Variants in MATN1 observed in about 807,000 individuals in gnomAD.
The protein encoded by MATN1 is matrilin-1.
MATN1 carries 34 observed loss-of-function variants against 41.3 expected under a neutral mutation model. That is an observed-to-expected ratio of 0.82 (90% CI 0.63 to 1.10). The LOEUF (loss-of-function observed/expected upper bound fraction) is 1.10. Ranked by LOEUF, MATN1 falls within the 50% of genes least tolerant of loss-of-function variation. The pLI is 0.00. For missense variants in MATN1, 602 were observed against 662.4 expected (o/e 0.91, Z 1.00); for synonymous variants, 264 against 278.7 (o/e 0.95, Z 0.53).
intron 1 of MATN1, 151 bp from the exon 2 acceptor site, chr1:30,721,902 C>T (rs1259865785): frequency 1.6e-6 from 1 of 631,352 alleles, no homozygotes; most frequent in African/African-American, 1.8e-5. Context: ...GCCCTTTTAT[C>T]AACATGCAGA....
At position 30,716,128 on chromosome 1, in the gene MATN1, C is replaced by A. The variant is rs1639615742; in HGVS notation, c.988G>T (p.Gly330Cys). ...ATGTCCTTCTTGGTGTGGAAGCGAC[C>A]CAGGGGGAACTCCTGGCGCACAGAG... ...SSSVRQEFPL[G>C]RFHTKKDIKA... The change falls in exon 5 of 8, where the codon GGT (glycine) becomes TGT (cysteine). Residue 330 changes from glycine (G) to cysteine (C), a missense_variant. Physicochemically the swap from Gly to Cys is radical, Grantham distance 159. Coordinates refer to ENST00000373765, the MANE Select transcript of MATN1 (RefSeq NM_002379.3). The A allele has an allele frequency of 6.2e-7, 1 of 1,614,186 alleles. No individual in the cohort carries two copies.
In MATN1 at chr1:30,718,898, C is replaced by T. The variant is rs763447324; in HGVS notation, c.501G>A (p.Arg167=). ...PQDSVQDVSA[R]ARASGVELFA... ...ACAGCTCGACGCCGCTGGCCCGGGCCCGCGCAGACACGTCCTGCACGCTGT... is the reference window on the plus strand; with the variant it reads ...ACAGCTCGACGCCGCTGGCCCGGGCTCGCGCAGACACGTCCTGCACGCTGT... The change falls in exon 3 of 8, where the codon CGG becomes CGA. Residue 167 remains arginine, a synonymous_variant. Transcript: ENST00000373765. 37 of 1,583,760 alleles carry T rather than the reference C, an allele frequency of 2.3e-5. No homozygotes were observed. Among genetic ancestry groups the T allele is most frequent in the Non-Finnish European group, 3.1e-5 (36 of 1,169,890 alleles).
chr1:30,722,150 C>T (rs114203986), intron 1 of MATN1, among the ~76,000 whole-genome samples: 70 of 152,360 alleles, frequency 4.6e-4, no homozygotes, highest in African/African-American at 1.6e-3. Context: ...TAGGTTTCAG[C>T]CCAGACTTGC....
At position 30,713,166 on chromosome 1, in the gene MATN1, A is replaced by G. The variant is rs1346588225; in HGVS notation, c.*416T>C. On this transcript the variant is annotated 3_prime_UTR_variant, in exon 8 of 8. Coordinates refer to ENST00000373765, the MANE Select transcript of MATN1 (RefSeq NM_002379.3). ...TAGCCCCATTCACTGCTTACGTTAA[A>G]TCACATTTAATTGTTTCTCACCGGA... is the stretch of plus-strand genomic sequence containing the variant. The G allele has an allele frequency of 4.9e-6, 1 of 203,572 alleles. No individual in the cohort carries two copies. Among genetic ancestry groups the G allele is most frequent in the African/African-American group, 2.3e-5 (1 of 44,322 alleles). 12.6% of individuals were successfully genotyped at this position (203,572 alleles called of 1,614,324 possible). A position where few individuals can be genotyped will look rare whatever the true frequency, so the allele number is the denominator to read the frequency against.
rs1257785911 is a variant in MATN1, at chr1:30,716,307, C to T, written c.809G>A (p.Gly270Asp). 5 of 1,613,332 alleles carry T rather than the reference C, an allele frequency of 3.1e-6. No individual in the cohort carries two copies. The East Asian group carries it at 8.9e-5, about 29-fold the overall frequency. ...GAAGACCAGGTCAGTGGCCGAGCTGCCACCACCACCACTGCAGACTGTGGA... is the reference window on the plus strand; with the variant it reads ...GAAGACCAGGTCAGTGGCCGAGCTGTCACCACCACCACTGCAGACTGTGGA... ...KTCNVCSGGG[G>D]SSATDLVFLI... The change falls in exon 5 of 8, where the codon GGC becomes GAC. Residue 270 changes from glycine to aspartate, a missense_variant. Coordinates refer to ENST00000373765, the MANE Select transcript of MATN1 (RefSeq NM_002379.3).
Position 30,711,658 on chromosome 1 carries a change from C to T in MATN1, c.*1924G>A, listed in dbSNP as rs1489557034. ...CCACCCCATCTCTGACTCCACTCAT[C>T]AGGGACATCTGTTGCTTCTGCCCGC... On this transcript the variant is annotated 3_prime_UTR_variant, in exon 8 of 8. Transcript: ENST00000373765. 6.6e-6 allele frequency: 1 copy of T among 152,430 alleles called. No homozygotes were observed. The highest frequency in any genetic ancestry group is 6.5e-5 in the Admixed American group (1 of 15,286). 9.4% of individuals were successfully genotyped at this position (152,430 alleles called of 1,614,324 possible). A position where few individuals can be genotyped will look rare whatever the true frequency, so the allele number is the denominator to read the frequency against.
chr1:30,716,154 C>T lies in MATN1; in HGVS notation c.962G>A (p.Ser321Asn), dbSNP rs1448671269. Residue 321 changes from serine to asparagine, a missense_variant, in exon 5 of 8, where the codon AGC becomes AAC. Transcript: ENST00000373765. ...CAGGGGGAACTCCTGGCGCACAGAG[C>T]TTGAGTACTGCACCAGCCCCACCTG... ...LAQVGLVQYSSSVRQEFPLGR... is the reference protein window; with the variant it reads ...LAQVGLVQYSNSVRQEFPLGR... 6.2e-7 allele frequency: 1 copy of T among 1,614,210 alleles called. No individual in the cohort carries two copies. Among genetic ancestry groups the T allele is most frequent in the East Asian group, 2.2e-5 (1 of 44,888 alleles).
At chr1:30,722,908 G>A (rs566496114) in intron 1 of MATN1, among the ~76,000 whole-genome samples, 14 of 152,326 alleles carry the variant, frequency 9.2e-5, no homozygotes, top group African/African-American at 2.9e-4. Flanking sequence ...TGGCCACACC[G>A]TACAGCAGTA....
rs1457928506 is a variant in MATN1, at chr1:30,718,845, T to A, written c.554A>T (p.Lys185Met). The A allele has an allele frequency of 1.2e-6, 2 of 1,608,502 alleles. No individual in the cohort carries two copies. The highest frequency in any genetic ancestry group is 2.2e-5 in the East Asian group (1 of 44,722). Residue 185 changes from lysine to methionine, a missense_variant, in exon 3 of 8, where the codon AAG (lysine) becomes ATG (methionine). Lys to Met is a moderately conservative substitution (Grantham distance 95). Transcript: ENST00000373765. ...LFAIGVGSVDKATLRQIASEP... is the reference protein window; with the variant it reads ...LFAIGVGSVDMATLRQIASEP... ...GCTGGCGATCTGCCGCAGCGTGGCC[T>A]TGTCCACGCTGCCCACTCCGATGGC...
chr1:30,720,761 A>G (rs1639685747), intron 2 of MATN1: 1 of 152,628 alleles, frequency 6.6e-6, no homozygotes, highest in East Asian at 1.9e-4. Flanking sequence ...CCTGAACATG[A>G]CAGTGAGGAT....
intron 3 of MATN1, among the ~76,000 whole-genome samples, chr1:30,717,585 T>C (rs1406868132): frequency 6.6e-6 from 1 of 151,984 alleles, no homozygotes; most frequent in Non-Finnish European, 1.5e-5. Context: ...TGGGCCCTCC[T>C]TGGTCCCTGC....
At position 30,723,553 on chromosome 1, in the gene MATN1, G is replaced by A. The variant is rs1401114497; in HGVS notation, c.-2C>T. 23 of 1,534,246 alleles carry A rather than the reference G, an allele frequency of 1.5e-5. No homozygotes were observed. Among genetic ancestry groups the A allele is most frequent in the Non-Finnish European group, 1.9e-5 (22 of 1,139,364 alleles). Reference sequence around the variant, plus strand: ...GCTAGTGCCAGAGAGGACCCTCATAGTTCTGGCAGCACGGGCAGCAGCCGG... The same window carrying A: ...GCTAGTGCCAGAGAGGACCCTCATAATTCTGGCAGCACGGGCAGCAGCCGG... On this transcript the variant is annotated 5_prime_UTR_variant, in exon 1 of 8. Coordinates refer to ENST00000373765, the MANE Select transcript of MATN1 (RefSeq NM_002379.3).
intron 6 of MATN1, 150 bp downstream of exon 6, chr1:30,715,007 C>G: frequency 1.2e-6 from 1 of 809,948 alleles, no homozygotes; most frequent in Non-Finnish European, 2.0e-6. Context: ...GTAGTAAGAG[C>G]TGTAAGCGCC....
At position 30,718,728 on chromosome 1, in the gene MATN1, C is replaced by A. The variant is rs79807955; in HGVS notation, c.664+7G>T. 1.1e-3 allele frequency: 1,745 copies of A among 1,570,778 alleles called. 21 individuals carry two copies. The African/African-American group carries it at 0.021, about 19-fold the overall frequency. ...TGCCCTGGCTCCGCCCCCGCCTGCCCGCGCACCGCAGAAGGCCTCCTGGAA... is the reference window on the plus strand; with the variant it reads ...TGCCCTGGCTCCGCCCCCGCCTGCCAGCGCACCGCAGAAGGCCTCCTGGAA... On this transcript the variant is annotated splice_region_variant and intron_variant, in intron 3 of 7. Coordinates refer to ENST00000373765, the MANE Select transcript of MATN1 (RefSeq NM_002379.3).
chr1:30,721,232 C>T, intron 2 of MATN1, 173 bp downstream of exon 2: 1 of 648,916 alleles, frequency 1.5e-6, no homozygotes, highest in Non-Finnish European at 2.7e-6. Context: ...AGCTCTGTCA[C>T]TTGCAACTGG....
chr1:30,713,666 C>T, intron 7 of MATN1, 35 bp from the exon 8 acceptor site: 1 of 1,543,244 alleles, frequency 6.5e-7, no homozygotes, highest in Non-Finnish European at 8.8e-7. Context: ...GCAGGTTGGC[C>T]AGAGCAGGGC....
In MATN1 at chr1:30,718,861, C is replaced by A. The variant is rs1011423396; in HGVS notation, c.538G>T (p.Val180Leu). ...AGCGTGGCCTTGTCCACGCTGCCCA[C>A]TCCGATGGCGAACAGCTCGACGCCG... ...ASGVELFAIGVGSVDKATLRQ... is the reference protein window; with the variant it reads ...ASGVELFAIGLGSVDKATLRQ... Residue 180 changes from valine to leucine, a missense_variant, in exon 3 of 8, where the codon GTG becomes TTG. Physicochemically the swap from Val to Leu is conservative, Grantham distance 32. Transcript: ENST00000373765. 6.2e-7 allele frequency: 1 copy of A among 1,607,104 alleles called. No individual in the cohort carries two copies. Among genetic ancestry groups the A allele is most frequent in the Non-Finnish European group, 8.5e-7 (1 of 1,178,458 alleles).
intron 4 of MATN1, 24 bp downstream of exon 4, chr1:30,716,766 C>G: frequency 6.2e-7 from 1 of 1,611,210 alleles, no homozygotes; most frequent in Non-Finnish European, 8.5e-7. Flanking sequence ...CTCTCCAGGG[C>G]GAGCCTGTGT....
At chr1:30,718,595 C>CCA (rs1639655004) in intron 3 of MATN1, 140 bp downstream of exon 3, 1 of 217,940 alleles carries the variant, frequency 4.6e-6, no homozygotes, top group Non-Finnish European at 8.2e-6. Flanking sequence ...CTCTGCCCCC[C>CCA]CCCCGGCCCC....
Sources: gnomAD v4.1 joint callset for allele counts (sites outside exome capture counted in the v4.1 genomes callset) on GRCh38, gnomAD v4.1.1 for gene constraint, MANE v1.5 for transcripts, NCBI Gene and HGNC (gene_info 2026-07-23, HGNC 2026-07-21) for gene names.